The following NPAT variants were observed in gnomAD, a reference collection of about 807,000 sequenced individuals.
NPAT encodes nuclear protein, coactivator of histone transcription.
NPAT carries 52 observed loss-of-function variants against 130.7 expected under a neutral mutation model. The ratio of observed to expected loss-of-function variants is 0.40; its 90% CI spans 0.32 to 0.50. The LOEUF (loss-of-function observed/expected upper bound fraction) is 0.50. NPAT is among the 20% of genes least tolerant of loss of function. The pLI, the probability that NPAT is intolerant of heterozygous loss-of-function variation, is 0.68. For missense variants in NPAT, 1,687 were observed against 1,662.6 expected (o/e 1.01, Z -0.26); for synonymous variants, 580 against 584.8 (o/e 0.99, Z 0.12).
chr11:108,201,328 T>C lies in NPAT; in HGVS notation c.38-3908A>G, dbSNP rs188353927. 2.0e-5 allele frequency among the ~76,000 whole-genome samples: 3 copies of C among 152,268 alleles called. No individual in the cohort carries two copies. In the East Asian group the frequency reaches 5.8e-4, roughly 29 times the overall value. On this transcript the variant is annotated intron_variant, in intron 1 of 17. Transcript: ENST00000278612. ...CTATGGATACCTGGGTATGGTGAAATAGTTTGTCCCTTATATCACATAATA... is the reference window on the plus strand; with the variant it reads ...CTATGGATACCTGGGTATGGTGAAACAGTTTGTCCCTTATATCACATAATA...
intron 17 of NPAT, 79 bp from the exon 18 acceptor site, chr11:108,159,098 T>C (rs1220813465): frequency 1.7e-5 from 15 of 864,590 alleles, no homozygotes; most frequent in Admixed American, 4.0e-5. Context: ...AAACAGTATA[T>C]TGGGTTCTTT....
intron 4 of NPAT, among the ~76,000 whole-genome samples, chr11:108,191,046 TAACA>T (rs2078164622): frequency 6.6e-6 from 1 of 152,164 alleles, no homozygotes; most frequent in Non-Finnish European, 1.5e-5. Context: ...CCAGCTTGGG[TAACA>T]GAGTGAGACC....
At chr11:108,198,419 G>A (rs1219797216) in intron 1 of NPAT, among the ~76,000 whole-genome samples, 3 of 152,110 alleles carry the variant, frequency 2.0e-5, no homozygotes, top group Non-Finnish European at 4.4e-5. Context: ...AGGAATCCAC[G>A]TCTAGAAAAT....
intron 8 of NPAT, among the ~76,000 whole-genome samples, chr11:108,185,927 TC>T (rs747088274): frequency 6.4e-4 from 97 of 152,144 alleles, no homozygotes; most frequent in Non-Finnish European, 1.2e-3. Context: ...GAGACAGTTG[TC>T]CAGGCTGGTC....
At chr11:108,185,545 A>C (rs370728726) in intron 8 of NPAT, 51 bp from the exon 9 acceptor site, 1 of 1,155,532 alleles carries the variant, frequency 8.7e-7, no homozygotes, top group Admixed American at 1.8e-5. Flanking sequence ...GTATTCTGCT[A>C]TTTAATATTT....
intron 1 of NPAT, among the ~76,000 whole-genome samples, chr11:108,209,812 C>T (rs1415964025): frequency 6.8e-6 from 1 of 147,240 alleles, no homozygotes; most frequent in African/African-American, 2.5e-5. Context: ...TGGCATGAAC[C>T]TGGGAGGCAG....
chr11:108,202,881 AC>A (rs1341267588), intron 1 of NPAT, among the ~76,000 whole-genome samples: 2 of 152,154 alleles, frequency 1.3e-5, no homozygotes, highest in Non-Finnish European at 2.9e-5. Flanking sequence ...TGATAAAAGT[AC>A]TAATTAATGA....
rs1485295808 is a variant in NPAT at position 108,160,902 on chromosome 11, G to T, written c.4184C>A (p.Pro1395Gln). ...SSKNLTNSSI[P>Q]MKKKKIKKKK... ...TGCCTTAATTTTCTTCTTTTTCATTGGTATTGATGAATTTGTAAGATTTTT... is the reference window on the plus strand; with the variant it reads ...TGCCTTAATTTTCTTCTTTTTCATTTGTATTGATGAATTTGTAAGATTTTT... The change falls in exon 17 of 18, where the codon CCA (proline) becomes CAA (glutamine). Residue 1395 changes from proline (P) to glutamine (Q), a missense_variant. Pro to Gln is a moderately conservative substitution (Grantham distance 76). Transcript: ENST00000278612. 1.2e-6 allele frequency: 2 copies of T among 1,613,518 alleles called. No individual in the cohort carries two copies. The highest frequency in any genetic ancestry group is 1.7e-5 in the Admixed American group (1 of 59,968).
intron 8 of NPAT, 48 bp downstream of exon 8, chr11:108,186,434 T>C: frequency 2.1e-6 from 3 of 1,405,936 alleles, no homozygotes; most frequent in Non-Finnish European, 3.0e-6. Flanking sequence ...ATCTGTATTT[T>C]TAAACTCAGG....
intron 1 of NPAT, among the ~76,000 whole-genome samples, chr11:108,204,562 C>T (rs7933997): frequency 9.9e-6 from 1 of 100,932 alleles, no homozygotes; most frequent in Non-Finnish European, 2.2e-5. Context: ...CCGAACCTGC[C>T]GAACCTGCAG....
chr11:108,165,472 A>ATT (rs377194780), intron 15 of NPAT, among the ~76,000 whole-genome samples: 6,865 of 129,598 alleles, frequency 0.053, 268 homozygotes, highest in African/African-American at 0.08. Context: ...ATATATATAT[A>ATT]TTTTTTTTTT....
At chr11:108,208,744 T>C (rs370112686) in intron 1 of NPAT, among the ~76,000 whole-genome samples, 64 of 152,178 alleles carry the variant, frequency 4.2e-4, no homozygotes, top group African/African-American at 1.5e-3. Flanking sequence ...CAGTAATACA[T>C]AGAACAACTA....
intron 17 of NPAT, 49 bp from the exon 18 acceptor site, chr11:108,159,068 C>T: frequency 8.2e-7 from 1 of 1,225,660 alleles, no homozygotes; most frequent in South Asian, 1.2e-5. Context: ...GGCCAAAATG[C>T]TTTCTTAGTA....
chr11:108,204,788 C>A (rs1025528359), intron 1 of NPAT, among the ~76,000 whole-genome samples: 1 of 152,220 alleles, frequency 6.6e-6, no homozygotes, highest in Non-Finnish European at 1.5e-5. Flanking sequence ...ACGAAGGAGA[C>A]AGAGTTGTAA....
At position 108,177,007 on chromosome 11, in the gene NPAT, A is replaced by T; in HGVS notation, c.990T>A (p.Asp330Glu). ...TAGTCTCCTTACCATAGTCAAAGAG[A>T]TCAAAGAGTGCCTGAAATGCTGGGT... ...ESDPAFQALF[D>E]LFDYGKTKNN... Residue 330 changes from aspartate (D) to glutamate (E), a missense_variant, in exon 11 of 18, where the codon GAT (aspartate) becomes GAA (glutamate). Physicochemically the swap from Asp to Glu is conservative, Grantham distance 45. Coordinates refer to ENST00000278612, the MANE Select transcript of NPAT (RefSeq NM_002519.3). The T allele has an allele frequency of 6.2e-7, 1 of 1,608,354 alleles. No individual in the cohort carries two copies. Among genetic ancestry groups the T allele is most frequent in the Non-Finnish European group, 8.5e-7 (1 of 1,174,932 alleles).
At chr11:108,160,081 C>T (rs916140156) in intron 17 of NPAT, among the ~76,000 whole-genome samples, 2 of 148,452 alleles carry the variant, frequency 1.3e-5, no homozygotes, top group South Asian at 2.1e-4. Context: ...ACTCAGGAGG[C>T]GGAAGTTGCA....
intron 1 of NPAT, among the ~76,000 whole-genome samples, chr11:108,219,762 A>G (rs1177231830): frequency 6.7e-6 from 1 of 148,636 alleles, no homozygotes; most frequent in Non-Finnish European, 1.5e-5. Context: ...ACAACAACAA[A>G]CTCATTGTTT....
At chr11:108,216,931 C>T (rs1284622396) in intron 1 of NPAT, among the ~76,000 whole-genome samples, 2 of 152,164 alleles carry the variant, frequency 1.3e-5, no homozygotes, top group African/African-American at 4.8e-5. Context: ...TAGTTGACTA[C>T]TCTCATGTTC....
chr11:108,179,054 G>C (rs1238104313), intron 10 of NPAT, among the ~76,000 whole-genome samples: 1 of 152,154 alleles, frequency 6.6e-6, no homozygotes, highest in East Asian at 1.9e-4. Flanking sequence ...AGAATACAGA[G>C]ATCAGAAATA....
Sources: allele counts gnomAD v4.1 joint callset (sites outside exome capture counted in the v4.1 genomes callset), GRCh38; gene constraint gnomAD v4.1.1; transcripts MANE v1.5; gene names NCBI Gene and HGNC (gene_info 2026-07-23, HGNC 2026-07-21).